Variants in ZFPM1 observed in about 807,000 individuals in gnomAD.
The protein encoded by ZFPM1 is zinc finger protein ZFPM1.
In ZFPM1, 28 loss-of-function variants were observed where a neutral mutation model predicts 46.3. The observed-to-expected ratio is 0.60, with a 90% CI of 0.45 to 0.83. The LOEUF is 0.83. Among genes scored for constraint, ZFPM1 ranks in the 40% least tolerant of loss-of-function variants. ZFPM1 has a pLI of 0.00. For missense variants in ZFPM1, 1,878 were observed against 1,432.4 expected, an observed-to-expected ratio of 1.31 and a Z score of -5.02; for synonymous variants, 957 against 675.9, an observed-to-expected ratio of 1.42 and a Z score of -6.45.
chr16:88,479,049 G>A (rs1010172124), intron 1 of ZFPM1, among the ~76,000 whole-genome samples: 5 of 152,176 alleles, frequency 3.3e-5, no homozygotes, highest in South Asian at 2.1e-4. Context: ...CGTCTGCTCC[G>A]GGCTCTCCCA....
Position 88,463,869 on chromosome 16 carries a change from C to G in ZFPM1, c.40+10191C>G, listed in dbSNP as rs1213488515. 3.9e-5 allele frequency among the ~76,000 whole-genome samples: 6 copies of G among 152,302 alleles called. No individual in the cohort carries two copies. In the East Asian group the frequency reaches 1.2e-3, roughly 29 times the overall value. On this transcript the variant is annotated intron_variant, in intron 1 of 9. Transcript: ENST00000319555. ...TCTGGCTGTGTGACCCTGAGCAAGT[C>G]CCTTCCCTGCTCTGGGCCAAGGTGG...
intron 1 of ZFPM1, among the ~76,000 whole-genome samples, chr16:88,470,839 G>A (rs533989730): frequency 4.0e-5 from 6 of 150,018 alleles, no homozygotes; most frequent in African/African-American, 1.5e-4. Flanking sequence ...CGGTGTGGAG[G>A]GCCGGGTGGT....
intron 4 of ZFPM1, among the ~76,000 whole-genome samples, chr16:88,525,549 G>A (rs1912247171): frequency 6.6e-6 from 1 of 152,274 alleles, no homozygotes; most frequent in South Asian, 2.1e-4. Context: ...GAGCACGCGT[G>A]TATGCTGTGC....
At position 88,497,704 on chromosome 16, in the gene ZFPM1, C is replaced by T. The variant is rs1462225619; in HGVS notation, c.268+8551C>T. Among the ~76,000 whole-genome samples, 2 of 152,096 alleles carry T rather than the reference C, an allele frequency of 1.3e-5. No homozygotes were observed. The highest frequency in any genetic ancestry group is 2.9e-5 in the Non-Finnish European group (2 of 67,998). ...CTGGGAGCCGGCAGCTGCTGTGAGG[C>T]GGGAGGAGGGCTCTGTCCACTATTT... On this transcript the variant is annotated intron_variant, in intron 3 of 9. Transcript: ENST00000319555. The surrounding 1 kb of genome is among the most constrained non-coding windows in gnomAD (Gnocchi z 5.4).
intron 1 of ZFPM1, among the ~76,000 whole-genome samples, chr16:88,476,414 G>A (rs1908689308): frequency 6.6e-6 from 1 of 152,150 alleles, no homozygotes; most frequent in Admixed American, 6.5e-5. Flanking sequence ...GAGCATACGT[G>A]AAGGGAGGGA....
At position 88,534,737 on chromosome 16, in the gene ZFPM1, G is replaced by T; in HGVS notation, c.2779G>T (p.Glu927Ter). 1.0e-6 allele frequency: 1 copy of T among 990,334 alleles called. No homozygotes were observed. The highest frequency in any genetic ancestry group is 1.2e-6 in the Non-Finnish European group (1 of 833,934). The allele number at this position is 990,334 out of a possible 1,614,324, so 61.3% of individuals were successfully genotyped here. The change falls in exon 10 of 10, where the codon GAG becomes TAG. Residue 927 changes from glutamate (E) to a stop codon, truncating the protein, a stop_gained. Coordinates refer to ENST00000319555, the MANE Select transcript of ZFPM1 (RefSeq NM_153813.3). LOFTEE classifies it low-confidence loss of function (END_TRUNC). ...GGACGGCCTCGGCCCGGAGCCCCAGGAGCCGCCGCCCGGCCCGCCCCCGTC... is the reference window on the plus strand; with the variant it reads ...GGACGGCCTCGGCCCGGAGCCCCAGTAGCCGCCGCCCGGCCCGCCCCCGTC... Reference protein sequence around the residue: ...PRDGLGPEPQEPPPGPPPSPA... With the variant: ...PRDGLGPEPQ
At chr16:88,488,483 A>G (rs1177176993) in intron 2 of ZFPM1, among the ~76,000 whole-genome samples, 1 of 152,218 alleles carries the variant, frequency 6.6e-6, no homozygotes, top group Non-Finnish European at 1.5e-5. Context: ...TATAGCCAAA[A>G]ATAATAGGAC....
rs767053529 is a variant in ZFPM1, at chr16:88,534,317, C to G, written c.2359C>G (p.Pro787Ala). 9.8e-6 allele frequency: 13 copies of G among 1,325,702 alleles called. No individual in the cohort carries two copies. The highest frequency in any genetic ancestry group is 4.7e-5 in the African/African-American group (3 of 63,666). The allele number at this position is 1,325,702 out of a possible 1,614,324, so 82.1% of individuals were successfully genotyped here. A position where few individuals can be genotyped will look rare whatever the true frequency, so the allele number is the denominator to read the frequency against. Residue 787 changes from proline to alanine, a missense_variant, in exon 10 of 10, where the codon CCC becomes GCC. Physicochemically the swap from Pro to Ala is conservative, Grantham distance 27. Transcript: ENST00000319555. ...CCCCGGCCTCGCCCCTGCGCGCTCG[C>G]CCGGCCCCGCGGCCGACGGCCCCAT... ...SGPGLAPARS[P>A]GPAADGPIDL...
intron 4 of ZFPM1, among the ~76,000 whole-genome samples, chr16:88,523,443 C>G (rs929349979): frequency 2.0e-5 from 3 of 152,202 alleles, no homozygotes; most frequent in Non-Finnish European, 4.4e-5. Flanking sequence ...TGGCCGCGGC[C>G]CCAGCAGTGG....
chr16:88,485,740 G>A (rs531905335), intron 1 of ZFPM1, among the ~76,000 whole-genome samples, 199 bp from the exon 2 acceptor site: 7 of 152,254 alleles, frequency 4.6e-5, no homozygotes, highest in East Asian at 3.9e-4. Context: ...ATGCCCAAAT[G>A]TCAAGTCTTG....
chr16:88,503,205 G>C (rs1263104716), intron 3 of ZFPM1, among the ~76,000 whole-genome samples: 1 of 152,036 alleles, frequency 6.6e-6, no homozygotes, highest in Non-Finnish European at 1.5e-5. Context: ...CGGTTCCTGA[G>C]TGGAGGGATC....
chr16:88,452,942 T>C (rs1597221051), upstream of ZFPM1, among the ~76,000 whole-genome samples: 1 of 149,120 alleles, frequency 6.7e-6, no homozygotes, highest in Non-Finnish European at 1.5e-5. Flanking sequence ...GCTAGAGGTC[T>C]CCCCGGGGCG....
intron 4 of ZFPM1, among the ~76,000 whole-genome samples, chr16:88,519,109 G>A (rs1472689093): frequency 6.1e-5 from 9 of 147,252 alleles, no homozygotes; most frequent in African/African-American, 2.0e-4. Context: ...TGGGTGGATG[G>A]GTGGATGGAT....
At chr16:88,489,339 C>T in intron 3 of ZFPM1, 186 bp downstream of exon 3, 1 of 937,266 alleles carries the variant, frequency 1.1e-6, no homozygotes, top group Non-Finnish European at 1.5e-6. Context: ...GAGCTTGGCA[C>T]CCTCGCGCCA....
intron 5 of ZFPM1, 139 bp downstream of exon 5, chr16:88,527,055 T>C: frequency 1.5e-6 from 2 of 1,363,982 alleles, no homozygotes; most frequent in Non-Finnish European, 2.0e-6. Flanking sequence ...CCCCGGGCGC[T>C]GCAGCATGAG....
chr16:88,526,616 T>C (rs1912344402), intron 4 of ZFPM1, among the ~76,000 whole-genome samples, 198 bp from the exon 5 acceptor site: 1 of 152,182 alleles, frequency 6.6e-6, no homozygotes. Flanking sequence ...AGCACGGTGT[T>C]AGCCCCACCG....
chr16:88,516,604 A>C (rs1911315859), intron 4 of ZFPM1: 1 of 398,684 alleles, frequency 2.5e-6, no homozygotes, highest in South Asian at 1.3e-4. Context: ...GACACACCGT[A>C]CAAGATGATT....
rs1331798663 is a variant in ZFPM1, at chr16:88,533,817, G to A, written c.1859G>A (p.Gly620Asp). ...GCGCGCAGGCCCAAGGCGCCCCCCGGCCCGGCCCGCGCGCCCCCCGGCCAG... is the reference window on the plus strand; with the variant it reads ...GCGCGCAGGCCCAAGGCGCCCCCCGACCCGGCCCGCGCGCCCCCCGGCCAG... ...PAARRPKAPPGPARAPPGQPA... is the reference protein window; with the variant it reads ...PAARRPKAPPDPARAPPGQPA... Residue 620 changes from glycine to aspartate, a missense_variant, in exon 10 of 10, where the codon GGC becomes GAC. Coordinates refer to ENST00000319555, the MANE Select transcript of ZFPM1 (RefSeq NM_153813.3). The A allele has an allele frequency of 9.7e-6, 10 of 1,028,850 alleles. No individual in the cohort carries two copies. Among genetic ancestry groups the A allele is most frequent in the Non-Finnish European group, 1.2e-5 (10 of 852,198 alleles). 63.7% of individuals were successfully genotyped at this position (1,028,850 alleles called of 1,614,324 possible).
At position 88,461,210 on chromosome 16, in the gene ZFPM1, G is replaced by C. The variant is rs1411128144; in HGVS notation, c.40+7532G>C. Among the ~76,000 whole-genome samples the C allele has an allele frequency of 6.1e-3, 690 of 112,522 alleles. 29 individuals carry two copies. The highest frequency in any genetic ancestry group is 9.9e-3 in the Non-Finnish European group (573 of 58,078). 73.8% of individuals were successfully genotyped at this position (112,522 alleles called of 152,430 possible). A position where few individuals can be genotyped will look rare whatever the true frequency, so the allele number is the denominator to read the frequency against. Reference sequence around the variant, plus strand: ...GGGCGGGAGGCCTGGTGAGGACCCAGGGGCGGGAGGCCTGGTGAGGACCCA... The same window carrying C: ...GGGCGGGAGGCCTGGTGAGGACCCACGGGCGGGAGGCCTGGTGAGGACCCA... On this transcript the variant is annotated intron_variant, in intron 1 of 9. Transcript: ENST00000319555.
Sources: gnomAD v4.1 joint callset for allele counts (sites outside exome capture counted in the v4.1 genomes callset) on GRCh38, gnomAD v4.1.1 for gene constraint, Gnocchi (gnomAD v3.1) non-coding constraint, MANE v1.5 for transcripts, NCBI Gene and HGNC (gene_info 2026-07-23, HGNC 2026-07-21) for gene names.